JADE2: variants seen among roughly 807,000 people sequenced by gnomAD.
JADE2 encodes jade family PHD finger 2, also known as E3 ubiquitin-protein ligase Jade-2.
Under a neutral mutation model 85.7 loss-of-function variants are expected in JADE2, and 13 were observed. The ratio of observed to expected loss-of-function variants is 0.15; its 90% CI spans 0.10 to 0.24. The LOEUF is 0.24. JADE2 is among the 10% of genes least tolerant of loss of function. JADE2 has a pLI of 1.00. For synonymous variants in JADE2, 440 were observed against 456.1 expected (o/e 0.96, Z 0.45); for missense variants, 846 against 1,115.9 (o/e 0.76, Z 3.45).
At chr5:134,565,167 A>G (rs1487795912) in intron 8 of JADE2, among the ~76,000 whole-genome samples, 3 of 152,142 alleles carry the variant, frequency 2.0e-5, no homozygotes, top group South Asian at 4.1e-4. Context: ...CTCCCAAGGG[A>G]TGTTGATGCC....
chr5:134,561,036 A>C (rs1376366203), intron 6 of JADE2, 79 bp downstream of exon 6: 1 of 1,262,874 alleles, frequency 7.9e-7, no homozygotes, highest in East Asian at 2.3e-5. Context: ...TTGGCTCTCC[A>C]GGGGCACTGT....
At chr5:134,553,528 A>AT (rs945669831) in intron 4 of JADE2, among the ~76,000 whole-genome samples, 2 of 151,512 alleles carry the variant, frequency 1.3e-5, no homozygotes, top group African/African-American at 4.9e-5. Context: ...TAATTTTTGT[A>AT]TTTTTAGTAG....
chr5:134,548,469 A>T (rs113938300), intron 3 of JADE2, among the ~76,000 whole-genome samples: 11 of 152,322 alleles, frequency 7.2e-5, no homozygotes, highest in African/African-American at 2.6e-4. Flanking sequence ...CAGCGTTTAC[A>T]CTGTCACTCT....
rs1561769725 is a variant in JADE2 at position 134,578,926 on chromosome 5, C to T, written c.2114C>T (p.Ala705Val). The part of the protein sequence containing the change: ...TSSHLPSSPA[A>V]GDCPILATPE... ...TCTCACTTGCCGTCCAGCCCTGCAG[C>T]CGGGGACTGTCCCATCCTAGCCACC... Residue 705 changes from alanine to valine, a missense_variant, in exon 12 of 12, where the codon GCC becomes GTC. Physicochemically the swap from Ala to Val is moderately conservative, Grantham distance 64 (BLOSUM62 0). Around this residue, in one of 9 missense-constraint regions of JADE2, gnomAD observed 300 missense variants for 300.7 expected, o/e 1.00. Coordinates refer to ENST00000681547, the MANE Select transcript of JADE2 (RefSeq NM_001388185.1). This position sits in a 1 kb window ranked among gnomAD's most constrained non-coding sequence, Gnocchi z 4.4. 1.2e-6 allele frequency: 2 copies of T among 1,613,812 alleles called. No homozygotes were observed. Among genetic ancestry groups the T allele is most frequent in the African/African-American group, 1.3e-5 (1 of 75,060 alleles).
intron 10 of JADE2, chr5:134,575,114 T>A (rs1764272845): frequency 6.6e-6 from 1 of 152,262 alleles, no homozygotes; most frequent in African/African-American, 2.4e-5. Context: ...CATCCCCACA[T>A]TGGTTCTGGG....
At chr5:134,528,888 C>T (rs961375714) in intron 1 of JADE2, among the ~76,000 whole-genome samples, 4 of 152,206 alleles carry the variant, frequency 2.6e-5, no homozygotes, top group Non-Finnish European at 5.9e-5. Flanking sequence ...CTTTTCCTTT[C>T]CCTAAATTGC....
At chr5:134,550,734 G>T (rs983140907) in intron 3 of JADE2, among the ~76,000 whole-genome samples, 1 of 152,204 alleles carries the variant, frequency 6.6e-6, no homozygotes, top group Non-Finnish European at 1.5e-5. Context: ...GGCGTTGCCA[G>T]TGCCAGCCCA....
rs1329963296 is a variant in JADE2 at position 134,564,491 on chromosome 5, C to T, written c.853-3C>T. 1.3e-6 allele frequency: 2 copies of T among 1,583,790 alleles called. No individual in the cohort carries two copies. Among genetic ancestry groups the T allele is most frequent in the East Asian group, 2.3e-5 (1 of 43,932 alleles). On this transcript the variant is annotated splice_polypyrimidine_tract_variant and splice_region_variant and intron_variant, in intron 7 of 11. Coordinates refer to ENST00000681547, the MANE Select transcript of JADE2 (RefSeq NM_001388185.1). ...ATGATGCAGCCCCCTGTGTCCTGCC[C>T]AGGTCAGCATCGGCTGCCCAGAGAA...
rs754465526 is a variant in JADE2 at position 134,578,833 on chromosome 5, G to A, written c.2021G>A (p.Gly674Asp). The A allele has an allele frequency of 2.5e-5, 41 of 1,613,660 alleles. 1 individual carries two copies. The South Asian group carries it at 4.4e-4, about 17-fold the overall frequency. ...TPDKAPKKTW[G>D]QDAGSGKGGQ... ...GACAAAGCCCCCAAGAAGACCTGGG[G>A]CCAGGATGCAGGCAGTGGCAAGGGG... is the stretch of plus-strand genomic sequence containing the variant. The change falls in exon 12 of 12, where the codon GGC becomes GAC. Residue 674 changes from glycine to aspartate, a missense_variant. Transcript: ENST00000681547. The surrounding 1 kb of genome is among the most constrained non-coding windows in gnomAD (Gnocchi z 4.4).
At chr5:134,529,998 A>G (rs2149851105) in intron 1 of JADE2, among the ~76,000 whole-genome samples, 1 of 152,374 alleles carries the variant, frequency 6.6e-6, no homozygotes, top group South Asian at 2.1e-4. Context: ...AGGAGGGTTC[A>G]GGCTCCTCTA....
At position 134,543,938 on chromosome 5, in the gene JADE2, T is replaced by A. The variant is rs1338934191; in HGVS notation, c.153+5855T>A. Among the ~76,000 whole-genome samples the A allele has an allele frequency of 2.0e-5, 3 of 152,102 alleles. No homozygotes were observed. The East Asian group carries it at 5.8e-4, about 29-fold the overall frequency. ...TGTCCTTCCCACAGGGGCTGGGGAA[T>A]TAACAAATTTTTGCCCCACCCCGGA... is the stretch of plus-strand genomic sequence containing the variant. On this transcript the variant is annotated intron_variant, in intron 3 of 11. Coordinates refer to ENST00000681547, the MANE Select transcript of JADE2 (RefSeq NM_001388185.1).
intron 4 of JADE2, among the ~76,000 whole-genome samples, chr5:134,559,334 T>C (rs1763183322): frequency 6.6e-6 from 1 of 152,172 alleles, no homozygotes; most frequent in Admixed American, 6.5e-5. Flanking sequence ...ACCCCTGCCT[T>C]GTCCGCAGCC....
rs780191955 is a variant in JADE2 at position 134,560,964 on chromosome 5, A to C, written c.684+7A>C. 3.1e-6 allele frequency: 5 copies of C among 1,609,270 alleles called. No homozygotes were observed. The African/African-American group carries it at 5.3e-5, about 17-fold the overall frequency. ...CAACGTCTGTGTGCATCAGGTGGGC[A>C]GACCCCCCAGTCACCCTCACCTGTG... On this transcript the variant is annotated splice_region_variant and intron_variant, in intron 6 of 11. Transcript: ENST00000681547.
In JADE2 at chr5:134,579,171, C is replaced by G; in HGVS notation, c.2359C>G (p.Leu787Val). ...SAVAERPKVS[L>V]HFDTETDGYF... ...TGTGGCTGAGAGGCCCAAGGTCAGC[C>G]TGCATTTTGACACTGAGACTGATGG... Residue 787 changes from leucine to valine, a missense_variant, in exon 12 of 12, where the codon CTG (leucine) becomes GTG (valine). Around this residue, in one of 9 missense-constraint regions of JADE2, gnomAD observed 300 missense variants for 300.7 expected, o/e 1.00. Coordinates refer to ENST00000681547, the MANE Select transcript of JADE2 (RefSeq NM_001388185.1). The surrounding 1 kb of genome is among the most constrained non-coding windows in gnomAD (Gnocchi z 4.6). 1.1e-5 allele frequency: 18 copies of G among 1,614,260 alleles called. No homozygotes were observed. The highest frequency in any genetic ancestry group is 1.5e-5 in the Non-Finnish European group (18 of 1,180,048).
At chr5:134,565,437 C>T (rs1437979684) in intron 8 of JADE2, among the ~76,000 whole-genome samples, 1 of 152,216 alleles carries the variant, frequency 6.6e-6, no homozygotes, top group African/African-American at 2.4e-5. Context: ...AGTCCAGCCC[C>T]TCTTCCCAGA....
intron 4 of JADE2, among the ~76,000 whole-genome samples, chr5:134,556,757 T>C (rs1333239402): frequency 1.0e-5 from 1 of 97,754 alleles, no homozygotes; most frequent in Non-Finnish European, 1.9e-5. Context: ...ACATACCACA[T>C]GCACACGCAC....
chr5:134,569,978 A>G (rs988827407), intron 9 of JADE2, among the ~76,000 whole-genome samples: 6 of 152,152 alleles, frequency 3.9e-5, no homozygotes, highest in Non-Finnish European at 8.8e-5. Flanking sequence ...CCGTGCCTGC[A>G]GTCTACTGCT....
At chr5:134,554,387 G>A (rs1336833696) in intron 4 of JADE2, among the ~76,000 whole-genome samples, 3 of 152,136 alleles carry the variant, frequency 2.0e-5, no homozygotes, top group Admixed American at 1.3e-4. Context: ...TGAAGGTCAG[G>A]CCACCAGGTG....
intron 1 of JADE2, among the ~76,000 whole-genome samples, chr5:134,533,854 C>A (rs1761413478): frequency 6.6e-6 from 1 of 151,500 alleles, no homozygotes; most frequent in African/African-American, 2.4e-5. Flanking sequence ...TCAAGCTATC[C>A]TCTCACCTCA....
Sources: gnomAD v4.1 joint callset for allele counts (sites outside exome capture counted in the v4.1 genomes callset) on GRCh38, gnomAD v4.1.1 for gene constraint, gnomAD v4.1.1 regional missense constraint, Gnocchi (gnomAD v3.1) non-coding constraint, MANE v1.5 for transcripts, NCBI Gene and HGNC (gene_info 2026-07-23, HGNC 2026-07-21) for gene names.